ZFHX3: variants seen among roughly 807,000 people sequenced by gnomAD.
ZFHX3 encodes zinc finger homeobox protein 3.
ZFHX3 carries 42 observed loss-of-function variants against 279.1 expected under a neutral mutation model. That is an observed-to-expected ratio of 0.15 (90% CI 0.12 to 0.19). The LOEUF is 0.19. ZFHX3 is among the 10% of genes least tolerant of loss of function. The probability of loss-of-function intolerance (pLI) is 1.00; values close to 1 mark genes in which losing one functional copy is unlikely to be tolerated. For synonymous variants in ZFHX3, 2,293 were observed against 1,957.8 expected (o/e 1.17, Z -4.52); for missense variants, 4,981 against 4,754.0 (o/e 1.05, Z -1.40).
At chr16:73,832,606 G>A (rs981626368) in intron 1 of ZFHX3, among the ~76,000 whole-genome samples, 1 of 152,072 alleles carries the variant, frequency 6.6e-6, no homozygotes, top group Non-Finnish European at 1.5e-5. Context: ...AGAGTGCAAT[G>A]ATGCAATCAT....
intron 1 of ZFHX3, among the ~76,000 whole-genome samples, chr16:73,012,362 T>C (rs1297900274): frequency 6.6e-6 from 1 of 152,252 alleles, no homozygotes; most frequent in Non-Finnish European, 1.5e-5. Context: ...CATGACAGTT[T>C]ATTCCTTGGC....
At chr16:73,784,060 G>T (rs1018986212) in intron 1 of ZFHX3, among the ~76,000 whole-genome samples, 1 of 152,108 alleles carries the variant, frequency 6.6e-6, no homozygotes, top group African/African-American at 2.4e-5. Flanking sequence ...GCCTCACTGA[G>T]AAAATGGTGA....
chr16:72,937,144 C>CA (rs1020545555), intron 3 of ZFHX3, among the ~76,000 whole-genome samples: 1 of 152,126 alleles, frequency 6.6e-6, no homozygotes, highest in African/African-American at 2.4e-5. Context: ...AGTTCATTCT[C>CA]AGACATTCGA....
chr16:73,349,993 T>G (rs2016208651), intron 3 of ZFHX3, among the ~76,000 whole-genome samples: 1 of 151,100 alleles, frequency 6.6e-6, no homozygotes, highest in Admixed American at 6.6e-5. Flanking sequence ...GCTTTTGCCT[T>G]TCCAGTTCTT....
rs948876763 is a variant in ZFHX3, at chr16:73,677,390, T to C, written c.-1547+2790A>G. On this transcript the variant is annotated intron_variant, in intron 2 of 17. Transcript: ENST00000641206. ...TTATATGATGCAGCTAAGCTAAAAA[T>C]CATAGCAAAGTTCATAGTTTTAAAT... is the stretch of plus-strand genomic sequence containing the variant. Among the ~76,000 whole-genome samples, 4 of 151,872 alleles carry C rather than the reference T, an allele frequency of 2.6e-5. No individual in the cohort carries two copies. In the South Asian group the frequency reaches 8.3e-4, roughly 32 times the overall value.
At chr16:73,674,164 T>G (rs1274810680) in intron 2 of ZFHX3, among the ~76,000 whole-genome samples, 7 of 152,176 alleles carry the variant, frequency 4.6e-5, no homozygotes, top group Non-Finnish European at 1.0e-4. Flanking sequence ...AATAAGCATG[T>G]GATGAATATT....
At chr16:73,700,271 C>A (rs913485977) in intron 1 of ZFHX3, among the ~76,000 whole-genome samples, 2 of 152,102 alleles carry the variant, frequency 1.3e-5, no homozygotes, top group Admixed American at 6.5e-5. Flanking sequence ...GTTGATGTTA[C>A]TGAGAATCCT....
At chr16:73,071,665 C>T (rs1232177616) in intron 8 of ZFHX3, among the ~76,000 whole-genome samples, 1 of 152,228 alleles carries the variant, frequency 6.6e-6, no homozygotes, top group East Asian at 1.9e-4. Context: ...AACCAGCAGG[C>T]AGGGCTCTGG....
intron 1 of ZFHX3, among the ~76,000 whole-genome samples, chr16:73,831,281 T>A (rs1960989367): frequency 6.6e-6 from 1 of 152,082 alleles, no homozygotes; most frequent in Admixed American, 6.5e-5. Context: ...TATTTCAGAG[T>A]CTGGTACTAA....
chr16:73,248,928 AT>A (rs2013394349), intron 5 of ZFHX3, among the ~76,000 whole-genome samples: 1 of 152,144 alleles, frequency 6.6e-6, no homozygotes, highest in South Asian at 2.1e-4. Flanking sequence ...TGTGGTCCAA[AT>A]CTATTCTCTG....
Position 73,055,182 on chromosome 16 carries a change from C to T in ZFHX3, c.-24+3348G>A, listed in dbSNP as rs1325819672. On this transcript the variant is annotated intron_variant, in intron 1 of 8. Transcript: ENST00000397992. ...TGGAATAACTGGTCTTGTGCACTGT[C>T]TTGCATATTCAAAGCTGCTTTGTAA... Among the ~76,000 whole-genome samples the T allele has an allele frequency of 2.0e-5, 3 of 151,240 alleles. No homozygotes were observed. In the East Asian group the frequency reaches 5.8e-4, roughly 29 times the overall value.
intron 4 of ZFHX3, among the ~76,000 whole-genome samples, chr16:73,281,976 C>G (rs761105631): frequency 6.6e-6 from 1 of 152,064 alleles, no homozygotes; most frequent in Non-Finnish European, 1.5e-5. Flanking sequence ...ACTCACAGCA[C>G]AAAGCTACCT....
chr16:73,678,757 T>C (rs1056597856), intron 2 of ZFHX3, among the ~76,000 whole-genome samples: 11 of 152,298 alleles, frequency 7.2e-5, no homozygotes, highest in South Asian at 6.2e-4. Flanking sequence ...CTCTGTGCAC[T>C]GGACAGGAGT....
At chr16:73,794,431 G>C (rs411956) in intron 1 of ZFHX3, 90,130 of 152,154 alleles carry the variant, frequency 0.59, 29,725 homozygotes, top group African/African-American at 0.89. Context: ...TGTCCAGTCA[G>C]GCAAAGCCAT....
At chr16:73,522,026 T>C (rs373030954) in intron 2 of ZFHX3, among the ~76,000 whole-genome samples, 10 of 152,222 alleles carry the variant, frequency 6.6e-5, no homozygotes, top group African/African-American at 2.2e-4. Flanking sequence ...GGTTATCTAA[T>C]GATGCACAGA....
Position 73,255,530 on chromosome 16 carries a change from G to A in ZFHX3, c.-1104+1517C>T, listed in dbSNP as rs185481813. On this transcript the variant is annotated intron_variant, in intron 5 of 17. Transcript: ENST00000641206. ...TATATCCAGTCCACAGTAGACAACA[G>A]CAACACTATATTCTTAAGGCTCCAA... 4.6e-5 allele frequency among the ~76,000 whole-genome samples: 7 copies of A among 152,242 alleles called. No individual in the cohort carries two copies. In the East Asian group the frequency reaches 1.4e-3, roughly 29 times the overall value.
intron 3 of ZFHX3, among the ~76,000 whole-genome samples, chr16:73,404,883 C>T (rs368719539): frequency 8.9e-4 from 135 of 152,288 alleles, no homozygotes; most frequent in African/African-American, 3.2e-3. Flanking sequence ...CTAATTATCT[C>T]ATTTGGTCCT....
intron 1 of ZFHX3, among the ~76,000 whole-genome samples, chr16:73,708,929 G>C (rs1391172382): frequency 6.6e-6 from 1 of 152,164 alleles, no homozygotes; most frequent in Non-Finnish European, 1.5e-5. Context: ...CCTCTCCCAT[G>C]ATACGTATTT....
chr16:73,419,457 C>T (rs1448781824), intron 3 of ZFHX3, among the ~76,000 whole-genome samples: 2 of 152,162 alleles, frequency 1.3e-5, no homozygotes, highest in African/African-American at 4.8e-5. Flanking sequence ...TCTCTCACTG[C>T]CACTAGATCA....
Sources: gnomAD v4.1 joint callset for allele counts (sites outside exome capture counted in the v4.1 genomes callset) on GRCh38, gnomAD v4.1.1 for gene constraint, MANE v1.5 for transcripts, NCBI Gene and HGNC (gene_info 2026-07-23, HGNC 2026-07-21) for gene names.